The following ROCK1 variants were observed in gnomAD, a reference collection of about 807,000 sequenced individuals.
ROCK1 encodes the protein rho-associated protein kinase 1.
ROCK1 carries 36 observed loss-of-function variants against 196.8 expected under a neutral mutation model. That is an observed-to-expected ratio of 0.18 (90% CI 0.14 to 0.24). The LOEUF (loss-of-function observed/expected upper bound fraction) is 0.24. Ranked by LOEUF, ROCK1 falls within the 10% of genes least tolerant of loss-of-function variation. The probability of loss-of-function intolerance (pLI) is 1.00; values close to 1 mark genes in which losing one functional copy is unlikely to be tolerated. For missense variants in ROCK1, 920 were observed against 1,562.0 expected (o/e 0.59, Z 6.93); for synonymous variants, 443 against 515.9 (o/e 0.86, Z 1.91).
At chr18:21,085,939 C>T (rs1281500443) in intron 1 of ROCK1, among the ~76,000 whole-genome samples, 1 of 152,080 alleles carries the variant, frequency 6.6e-6, no homozygotes, top group Non-Finnish European at 1.5e-5. Flanking sequence ...TATGGGTGAA[C>T]ACAATCAAAG....
intron 5 of ROCK1, chr18:21,044,974 C>A (rs1363651459): frequency 2.2e-5 from 4 of 184,852 alleles, no homozygotes; most frequent in Non-Finnish European, 4.4e-5. Context: ...GATCCTCCCA[C>A]CTTAGCCTCC....
Position 20,967,925 on chromosome 18 carries a change from C to T in ROCK1, c.3019G>A (p.Ala1007Thr). 1.3e-6 allele frequency: 2 copies of T among 1,548,406 alleles called. No homozygotes were observed. The highest frequency in any genetic ancestry group is 1.2e-5 in the South Asian group (1 of 81,574). ...AAATCTTTTCGATTCATTATTTCTGCCAATTTGTTAACAGCCTATTAAAAT... is the reference window on the plus strand; with the variant it reads ...AAATCTTTTCGATTCATTATTTCTGTCAATTTGTTAACAGCCTATTAAAAT... ...TLKTQAVNKL[A>T]EIMNRKDFKI... The change falls in exon 26 of 33, where the codon GCA (alanine) becomes ACA (threonine). Residue 1007 changes from alanine to threonine, a missense_variant. Ala to Thr is a moderately conservative substitution (Grantham distance 58). This residue lies in a region of ROCK1 where 116 missense variants were observed against 204.2 expected (regional missense o/e 0.57). Coordinates refer to ENST00000399799, the MANE Select transcript of ROCK1 (RefSeq NM_005406.3).
At chr18:20,969,425 T>C (rs958652543) in intron 23 of ROCK1, 1 of 364,138 alleles carries the variant, frequency 2.7e-6, no homozygotes, top group Non-Finnish European at 4.9e-6. Context: ...TATAGATATA[T>C]GTATGAACAA....
chr18:21,079,059 CTGGTTTTTGGTCTATCATGGACAGTT>C (rs2036460151), intron 1 of ROCK1, among the ~76,000 whole-genome samples: 1 of 152,080 alleles, frequency 6.6e-6, no homozygotes, highest in Non-Finnish European at 1.5e-5. Context: ...GGATTCTTGT[CTGGTTTTTGGTCTATCATGGACAGTT>C]TGGAGTAATT....
intron 9 of ROCK1, among the ~76,000 whole-genome samples, chr18:21,031,025 G>A (rs1328791534): frequency 6.6e-6 from 1 of 152,164 alleles, no homozygotes. Flanking sequence ...CTGAGATAAT[G>A]AAATGGAGAT....
chr18:20,959,103 T>TTTTATATAA (rs2035292387), intron 29 of ROCK1, among the ~76,000 whole-genome samples: 2 of 17,532 alleles, frequency 1.1e-4, no homozygotes, highest in Non-Finnish European at 1.8e-4. Flanking sequence ...AATATATATA[T>TTTTATATAA]TATATATATA....
intron 16 of ROCK1, among the ~76,000 whole-genome samples, chr18:20,997,090 T>G (rs1430454214): frequency 6.6e-6 from 1 of 151,972 alleles, no homozygotes; most frequent in Non-Finnish European, 1.5e-5. Flanking sequence ...CAGGAGTATG[T>G]CCCTACTTAT....
chr18:20,969,294 A>G (rs1400105155), intron 23 of ROCK1, 86 bp from the exon 24 acceptor site: 5 of 758,272 alleles, frequency 6.6e-6, no homozygotes, highest in Non-Finnish European at 1.1e-5. Context: ...ACTGCTAGAT[A>G]AAGACAGGTC....
chr18:20,993,070 G>C lies in ROCK1; in HGVS notation c.1886-133C>G, dbSNP rs1281154321. 8.7e-6 allele frequency: 5 copies of C among 571,782 alleles called. No individual in the cohort carries two copies. The Admixed American group carries it at 1.3e-4, about 15-fold the overall frequency. 35.4% of individuals were successfully genotyped at this position (571,782 alleles called of 1,614,324 possible). A position where few individuals can be genotyped will look rare whatever the true frequency, so the allele number is the denominator to read the frequency against. On this transcript the variant is annotated intron_variant, in intron 16 of 32. Transcript: ENST00000399799. ...CTGATCCGATAAGATTTTATTAAGT[G>C]TTTTCACAATAAACACAAGATATGG...
intron 1 of ROCK1, among the ~76,000 whole-genome samples, chr18:21,083,951 G>A (rs1405815762): frequency 2.6e-5 from 4 of 152,006 alleles, no homozygotes; most frequent in South Asian, 2.1e-4. Context: ...ATGGAATGGC[G>A]GGGGGAAAAG....
intron 8 of ROCK1, among the ~76,000 whole-genome samples, chr18:21,040,671 C>T (rs1737637551): frequency 6.6e-6 from 1 of 152,174 alleles, no homozygotes; most frequent in African/African-American, 2.4e-5. Flanking sequence ...GCACATGGTA[C>T]TTATCTCATG....
At chr18:21,060,165 T>C (rs1428725356) in intron 2 of ROCK1, among the ~76,000 whole-genome samples, 1 of 152,204 alleles carries the variant, frequency 6.6e-6, no homozygotes, top group South Asian at 2.1e-4. Context: ...GCTCACTGAA[T>C]TGTATACTTC....
Position 20,982,757 on chromosome 18 carries a change from A to G in ROCK1, c.2559+6T>C. On this transcript the variant is annotated splice_donor_region_variant and intron_variant, in intron 21 of 32. Coordinates refer to ENST00000399799, the MANE Select transcript of ROCK1 (RefSeq NM_005406.3). Reference sequence around the variant, plus strand: ...AGTGTGTATGTTAAAAATGATTCTCACTTACCGAGAAATATTGCTCAGCTT... The same window carrying G: ...AGTGTGTATGTTAAAAATGATTCTCGCTTACCGAGAAATATTGCTCAGCTT... 6.9e-7 allele frequency: 1 copy of G among 1,454,588 alleles called. No individual in the cohort carries two copies. The highest frequency in any genetic ancestry group is 9.6e-7 in the Non-Finnish European group (1 of 1,037,622). 90.1% of individuals were successfully genotyped at this position (1,454,588 alleles called of 1,614,324 possible).
chr18:20,961,460 C>T (rs1415203460), intron 27 of ROCK1, among the ~76,000 whole-genome samples: 2 of 152,038 alleles, frequency 1.3e-5, no homozygotes, highest in African/African-American at 2.4e-5. Flanking sequence ...CCGAGGAATT[C>T]GGAAAAGGTT....
intron 2 of ROCK1, among the ~76,000 whole-genome samples, chr18:21,057,633 C>A (rs2036254812): frequency 6.6e-6 from 1 of 152,054 alleles, no homozygotes; most frequent in Non-Finnish European, 1.5e-5. Context: ...ACCAGCCTGG[C>A]CAACATGGCA....
rs750014422 is a variant in ROCK1 at position 21,110,834 on chromosome 18, T to C, written c.77A>G (p.Asn26Ser). 1.2e-5 allele frequency: 20 copies of C among 1,613,860 alleles called. No individual in the cohort carries two copies. The highest frequency in any genetic ancestry group is 1.7e-5 in the Non-Finnish European group (20 of 1,179,718). The change falls in exon 1 of 33, where the codon AAT (asparagine) becomes AGT (serine). Residue 26 changes from asparagine (N) to serine (S), a missense_variant. By Grantham distance (46) the Asn-to-Ser change is conservative. Transcript: ENST00000399799. The part of the protein sequence containing the change: ...NLLRDPKSEV[N>S]SDCLLDGLDA... ...GCTACTCACCAGCAAACAATCCGAA[T>C]TCACTTCCGATTTGGGATCCCGCAG...
chr18:21,097,866 A>G (rs1249185320), intron 1 of ROCK1, among the ~76,000 whole-genome samples: 1 of 152,242 alleles, frequency 6.6e-6, no homozygotes, highest in African/African-American at 2.4e-5. Context: ...CACAGGGCTA[A>G]TAAGTGGTCG....
At chr18:21,008,261 T>C in intron 13 of ROCK1, 67 bp from the exon 14 acceptor site, 1 of 1,219,182 alleles carries the variant, frequency 8.2e-7, no homozygotes, top group African/African-American at 1.6e-5. Context: ...AGTGAGTATT[T>C]TGTTCTTAAA....
intron 1 of ROCK1, among the ~76,000 whole-genome samples, chr18:21,098,652 C>T (rs1262150724): frequency 1.4e-5 from 2 of 143,530 alleles, no homozygotes; most frequent in Admixed American, 6.9e-5. Context: ...AAAAAAAAAT[C>T]TGCATTTTAC....
Sources: gnomAD v4.1 joint callset for allele counts (sites outside exome capture counted in the v4.1 genomes callset) on GRCh38, gnomAD v4.1.1 for gene constraint, gnomAD v4.1.1 regional missense constraint, MANE v1.5 for transcripts, NCBI Gene and HGNC (gene_info 2026-07-23, HGNC 2026-07-21) for gene names.